Variants in CHAF1A observed in about 807,000 individuals in gnomAD.
CHAF1A encodes chromatin assembly factor 1 subunit A.
In CHAF1A, 5 loss-of-function variants were observed where a neutral mutation model predicts 93.2. The ratio of observed to expected loss-of-function variants is 0.05; its 90% confidence interval spans 0.03 to 0.11. The LOEUF (loss-of-function observed/expected upper bound fraction) is 0.11. Among genes scored for constraint, CHAF1A ranks in the 10% least tolerant of loss-of-function variants. CHAF1A has a pLI of 1.00. For missense variants in CHAF1A, 1,102 were observed against 1,259.9 expected (o/e 0.87, Z 1.90); for synonymous variants, 504 against 510.3 (o/e 0.99, Z 0.17).
chr19:4,405,899 CTT>C lies in CHAF1A; in HGVS notation c.53-10_53-9del. On this transcript the variant is annotated splice_polypyrimidine_tract_variant and intron_variant, in intron 1 of 14. Transcript: ENST00000301280. ...GAATTTAACAGTTTACCCTTTGACA[CTT>C]TTATTTGCAGCCATGGATTGCAAAG... 6.2e-7 allele frequency: 1 copy of C among 1,612,046 alleles called. No homozygotes were observed. The highest frequency in any genetic ancestry group is 8.5e-7 in the Non-Finnish European group (1 of 1,178,138).
At chr19:4,424,659 G>C (rs544876960) in intron 7 of CHAF1A, among the ~76,000 whole-genome samples, 1 of 151,674 alleles carries the variant, frequency 6.6e-6, no homozygotes, top group South Asian at 2.1e-4. Context: ...TTTTGAGATG[G>C]AGTCTCACTC....
At chr19:4,445,531 G>C, downstream of CHAF1A, 13 of 1,613,938 alleles carry the variant, frequency 8.1e-6, no homozygotes, top group Non-Finnish European at 1.1e-5. Flanking sequence ...ACAGGAGCTC[G>C]GGTTTCAGGA....
rs372482194 is a variant in CHAF1A at position 4,409,490 on chromosome 19, A to T, written c.691A>T (p.Ile231Phe). 3.3e-5 allele frequency: 53 copies of T among 1,613,964 alleles called. No homozygotes were observed. Among genetic ancestry groups the T allele is most frequent in the Non-Finnish European group, 4.5e-5 (53 of 1,179,994 alleles). Residue 231 changes from isoleucine to phenylalanine, a missense_variant, in exon 3 of 15, where the codon ATC becomes TTC. Physicochemically the swap from Ile to Phe is conservative, Grantham distance 21. Coordinates refer to ENST00000301280, the MANE Select transcript of CHAF1A (RefSeq NM_005483.3). ...GGACAGTTGGAGTGAAGCTGGGGGC[A>T]TCCTGTTCAAAGGGAAGGTGCCTAT... is the stretch of plus-strand genomic sequence containing the variant. ...EQDSWSEAGG[I>F]LFKGKVPMVV...
rs773177388 is a variant in CHAF1A at position 4,433,237 on chromosome 19, G to A, written c.2371G>A (p.Ala791Thr). 6.2e-6 allele frequency: 10 copies of A among 1,614,154 alleles called. No individual in the cohort carries two copies. The highest frequency in any genetic ancestry group is 5.5e-5 in the South Asian group (5 of 91,080). Reference protein sequence around the residue: ...LHTPTPSEDAAIPSKSRLKRL... With the variant: ...LHTPTPSEDATIPSKSRLKRL... ...CACCCCCACCCCCAGCGAGGATGCC[G>A]CCATCCCCTCTAAGTCCCGGCTCAA... The change falls in exon 13 of 15, where the codon GCC becomes ACC. Residue 791 changes from alanine (A) to threonine (T), a missense_variant. Ala to Thr is a moderately conservative substitution (Grantham distance 58). Around this residue, in one of 6 missense-constraint regions of CHAF1A, gnomAD observed 76 missense variants for 129.8 expected, o/e 0.59. Coordinates refer to ENST00000301280, the MANE Select transcript of CHAF1A (RefSeq NM_005483.3). The surrounding 1 kb of genome is among the most constrained non-coding windows in gnomAD (Gnocchi z 5.6).
intron 1 of CHAF1A, among the ~76,000 whole-genome samples, chr19:4,404,857 GA>G (rs1568427939): frequency 6.6e-6 from 1 of 152,098 alleles, no homozygotes; most frequent in Non-Finnish European, 1.5e-5. Context: ...GGTTTCTTGA[GA>G]TTTTTTTTGC....
Position 4,432,192 on chromosome 19 carries a change from A to G in CHAF1A, c.2188A>G (p.Arg730Gly). 1.2e-6 allele frequency: 2 copies of G among 1,607,482 alleles called. No individual in the cohort carries two copies. Among genetic ancestry groups the G allele is most frequent in the Non-Finnish European group, 1.7e-6 (2 of 1,177,054 alleles). ...GACGCCCAAGGCCTCCAAGCGGGAG[A>G]GGAGAGACGAGCAGAGTGAGTGTGG... ...EQTPKASKRE[R>G]RDEQILAQLL... is the part of the protein sequence containing the mutation. Residue 730 changes from arginine to glycine, a missense_variant, in exon 12 of 15, where the codon AGG (arginine) becomes GGG (glycine). Arg to Gly is a moderately radical substitution (Grantham distance 125). Coordinates refer to ENST00000301280, the MANE Select transcript of CHAF1A (RefSeq NM_005483.3).
intron 1 of CHAF1A, among the ~76,000 whole-genome samples, chr19:4,404,650 T>A (rs1307082967): frequency 3.3e-5 from 5 of 152,146 alleles, no homozygotes; most frequent in African/African-American, 1.2e-4. Context: ...GAAGCCCCAG[T>A]CTGCTTTTAA....
downstream of CHAF1A, chr19:4,446,944 TG>T (rs753111928): frequency 1.2e-6 from 2 of 1,609,878 alleles, no homozygotes; most frequent in Non-Finnish European, 1.7e-6. Context: ...TGGGCGTCAC[TG>T]GGGGCCCCTG....
intron 4 of CHAF1A, among the ~76,000 whole-genome samples, chr19:4,419,029 A>ATTTTTT (rs11406470): frequency 3.9e-4 from 38 of 96,446 alleles, no homozygotes; most frequent in Admixed American, 6.6e-4. Context: ...TAGCCAGCTA[A>ATTTTTT]TTTTTTTTTT....
chr19:4,446,248 C>G (rs772734967), downstream of CHAF1A: 2 of 1,570,730 alleles, frequency 1.3e-6, 1 homozygote, highest in Admixed American at 3.6e-5. Flanking sequence ...CCCTACCAAC[C>G]CGAGCCGCCC....
intron 8 of CHAF1A, 163 bp downstream of exon 8, chr19:4,429,053 G>A (rs1568438305): frequency 1.6e-6 from 1 of 616,832 alleles, no homozygotes; most frequent in East Asian, 2.7e-5. Context: ...TCTCCACCTG[G>A]CCTTCCTGTA....
chr19:4,428,992 C>G (rs534602987), intron 8 of CHAF1A, 102 bp downstream of exon 8: 2 of 946,992 alleles, frequency 2.1e-6, no homozygotes, highest in African/African-American at 3.3e-5. Flanking sequence ...CCTTCTGTTG[C>G]TTGCTTCCTA....
chr19:4,429,233 C>G, intron 8 of CHAF1A: 1 of 634,734 alleles, frequency 1.6e-6, no homozygotes, highest in East Asian at 2.8e-5. Flanking sequence ...CAGCTGTCCT[C>G]CCTCTCACCC....
intron 13 of CHAF1A, among the ~76,000 whole-genome samples, chr19:4,439,479 C>A (rs1008764882): frequency 3.3e-5 from 5 of 152,086 alleles, no homozygotes; most frequent in Non-Finnish European, 7.3e-5. Flanking sequence ...CAGTGGGACT[C>A]GGTGTTATGT....
In CHAF1A at chr19:4,428,665, C is replaced by T; in HGVS notation, c.1379C>T (p.Thr460Ile). The T allele has an allele frequency of 1.2e-6, 2 of 1,613,810 alleles. No individual in the cohort carries two copies. The highest frequency in any genetic ancestry group is 2.2e-5 in the East Asian group (1 of 44,848). The change falls in exon 8 of 15, where the codon ACC becomes ATC. Residue 460 changes from threonine (T) to isoleucine (I), a missense_variant and splice_region_variant. Physicochemically the swap from Thr to Ile is moderately conservative, Grantham distance 89. Around this residue, in one of 6 missense-constraint regions of CHAF1A, gnomAD observed 165 missense variants for 243.9 expected, o/e 0.68. Coordinates refer to ENST00000301280, the MANE Select transcript of CHAF1A (RefSeq NM_005483.3). ...QKPKTPQAPKTLAGSCGKFAP... is the reference protein window; with the variant it reads ...QKPKTPQAPKILAGSCGKFAP... Reference sequence around the variant, plus strand: ...CATCGGGTCTCTTCTTGATTTCAGACCCTGGCCGGCTCCTGTGGGAAGTTT... The same window carrying T: ...CATCGGGTCTCTTCTTGATTTCAGATCCTGGCCGGCTCCTGTGGGAAGTTT...
chr19:4,404,067 T>C (rs999771478), intron 1 of CHAF1A, among the ~76,000 whole-genome samples: 7 of 152,058 alleles, frequency 4.6e-5, no homozygotes, highest in African/African-American at 1.7e-4. Flanking sequence ...GTAATCCACC[T>C]GCATTGGCCT....
At chr19:4,410,674 C>T (rs1344146489) in intron 3 of CHAF1A, among the ~76,000 whole-genome samples, 2 of 152,176 alleles carry the variant, frequency 1.3e-5, no homozygotes, top group African/African-American at 2.4e-5. Context: ...AGCCACTGCA[C>T]CCAGCCCTGC....
intron 4 of CHAF1A, among the ~76,000 whole-genome samples, chr19:4,421,234 G>C (rs1973985614): frequency 6.6e-6 from 1 of 151,888 alleles, no homozygotes; most frequent in Non-Finnish European, 1.5e-5. Context: ...ACCACATTCA[G>C]CTAATTTTTT....
chr19:4,436,805 C>G (rs1000821977), intron 13 of CHAF1A, among the ~76,000 whole-genome samples: 3 of 152,164 alleles, frequency 2.0e-5, no homozygotes, highest in Non-Finnish European at 4.4e-5. Context: ...GCCCCTGGTC[C>G]TCCCAAACAC....
Sources: allele counts gnomAD v4.1 joint callset (sites outside exome capture counted in the v4.1 genomes callset), GRCh38; gene constraint gnomAD v4.1.1; regional missense constraint gnomAD v4.1.1; non-coding constraint Gnocchi (gnomAD v3.1); transcripts MANE v1.5; gene names NCBI Gene and HGNC (gene_info 2026-07-23, HGNC 2026-07-21).